TRIM44: variants seen among roughly 807,000 people sequenced by gnomAD.
TRIM44 encodes the protein tripartite motif-containing protein 44.
A neutral mutation model predicts 37.4 loss-of-function variants in TRIM44; 13 were observed. The observed-to-expected ratio is 0.35, with a 90% CI of 0.23 to 0.55. The LOEUF (loss-of-function observed/expected upper bound fraction) is 0.55. Among genes scored for constraint, TRIM44 ranks in the 20% least tolerant of loss-of-function variants. TRIM44 has a pLI of 0.89. For missense variants in TRIM44, 426 were observed against 437.2 expected, an observed-to-expected ratio of 0.97 and a Z score of 0.23; for synonymous variants, 175 against 157.2, an observed-to-expected ratio of 1.11 and a Z score of -0.85.
chr11:35,734,653 TC>T (rs1050271876), intron 3 of TRIM44, among the ~76,000 whole-genome samples: 42 of 152,274 alleles, frequency 2.8e-4, no homozygotes, highest in African/African-American at 9.9e-4. Context: ...ATTTGAAAAA[TC>T]TAATTTGATC....
intron 2 of TRIM44, among the ~76,000 whole-genome samples, chr11:35,692,419 C>G (rs1851647538): frequency 6.6e-6 from 1 of 152,130 alleles, no homozygotes; most frequent in South Asian, 2.1e-4. Flanking sequence ...TATCCCTTAT[C>G]TGAAATGTTT....
intron 4 of TRIM44, among the ~76,000 whole-genome samples, chr11:35,768,413 C>T (rs1481376951): frequency 3.3e-5 from 5 of 152,156 alleles, no homozygotes; most frequent in South Asian, 2.1e-4. Flanking sequence ...GTTGAGGGTT[C>T]GCACTCAACC....
intron 4 of TRIM44, among the ~76,000 whole-genome samples, chr11:35,799,039 A>G (rs971310007): frequency 3.3e-5 from 5 of 152,242 alleles, no homozygotes; most frequent in African/African-American, 7.2e-5. Context: ...AAATGATTCT[A>G]TTCTAAATCC....
chr11:35,718,123 C>T (rs1049132813), intron 2 of TRIM44, among the ~76,000 whole-genome samples: 4 of 151,960 alleles, frequency 2.6e-5, no homozygotes, highest in Admixed American at 6.6e-5. Flanking sequence ...GGGCTTAAAT[C>T]GAAATGGGCT....
At chr11:35,781,177 A>G (rs546594732) in intron 4 of TRIM44, among the ~76,000 whole-genome samples, 26 of 152,256 alleles carry the variant, frequency 1.7e-4, no homozygotes, top group African/African-American at 5.8e-4. Context: ...AGCAAAAATG[A>G]ACATGGGGAA....
intron 2 of TRIM44, among the ~76,000 whole-genome samples, chr11:35,701,482 A>G (rs1851788383): frequency 6.6e-6 from 1 of 152,194 alleles, no homozygotes; most frequent in South Asian, 2.1e-4. Flanking sequence ...GGAGGGAAAA[A>G]GAATCAACAA....
At chr11:35,665,128 A>T (rs760168749) in intron 1 of TRIM44, among the ~76,000 whole-genome samples, 4 of 151,794 alleles carry the variant, frequency 2.6e-5, no homozygotes, top group Non-Finnish European at 5.9e-5. Flanking sequence ...TCTGTCATAG[A>T]TGGTCATTTG....
chr11:35,674,840 C>A (rs895801233), intron 1 of TRIM44, among the ~76,000 whole-genome samples: 1 of 152,150 alleles, frequency 6.6e-6, no homozygotes, highest in East Asian at 1.9e-4. Flanking sequence ...AGAAAAGGTA[C>A]AAACAGTATG....
At position 35,816,433 on chromosome 11, in the gene TRIM44, T is replaced by G. The variant is rs1175496029; in HGVS notation, c.*10048T>G. ...AAACAATCTCCACTCATAAAAACACTTTTCTGCCTTCTACAGTATAAACAC... is the reference window on the plus strand; with the variant it reads ...AAACAATCTCCACTCATAAAAACACGTTTCTGCCTTCTACAGTATAAACAC... On this transcript the variant is annotated 3_prime_UTR_variant, in exon 5 of 5. Coordinates refer to ENST00000299413, the MANE Select transcript of TRIM44 (RefSeq NM_017583.6). The G allele has an allele frequency of 6.6e-6, 1 of 152,172 alleles. No homozygotes were observed. Among genetic ancestry groups the G allele is most frequent in the African/African-American group, 2.4e-5 (1 of 41,430 alleles). 9.4% of individuals were successfully genotyped at this position (152,172 alleles called of 1,614,324 possible).
intron 4 of TRIM44, among the ~76,000 whole-genome samples, chr11:35,787,229 T>G (rs1853141934): frequency 6.6e-6 from 1 of 152,192 alleles, no homozygotes; most frequent in Non-Finnish European, 1.5e-5. Flanking sequence ...CTCTGAAGAT[T>G]GCTGTCACGC....
intron 2 of TRIM44, among the ~76,000 whole-genome samples, chr11:35,706,639 T>C (rs1017361219): frequency 2.0e-4 from 31 of 152,068 alleles, no homozygotes; most frequent in African/African-American, 7.0e-4. Flanking sequence ...ATCTAGCATA[T>C]AAACAGAACC....
At chr11:35,767,174 C>A (rs902357079) in intron 4 of TRIM44, among the ~76,000 whole-genome samples, 1 of 152,146 alleles carries the variant, frequency 6.6e-6, no homozygotes, top group South Asian at 2.1e-4. Flanking sequence ...GGCCTCCAGG[C>A]ATGATAGAGG....
chr11:35,776,493 TCTG>T (rs1396141615), intron 4 of TRIM44, among the ~76,000 whole-genome samples: 1 of 152,244 alleles, frequency 6.6e-6, no homozygotes, highest in Non-Finnish European at 1.5e-5. Context: ...TTTCTTGCCT[TCTG>T]CTAGCTTTTG....
chr11:35,792,885 A>G (rs1460515042), intron 4 of TRIM44, among the ~76,000 whole-genome samples: 1 of 152,246 alleles, frequency 6.6e-6, no homozygotes, highest in Non-Finnish European at 1.5e-5. Flanking sequence ...GGTAGGGTCT[A>G]GTGAAAATCA....
Position 35,663,197 on chromosome 11 carries a change from C to G in TRIM44, c.86C>G (p.Ala29Gly), listed in dbSNP as rs774714687. The G allele has an allele frequency of 5.6e-6, 9 of 1,593,368 alleles. No homozygotes were observed. The African/African-American group carries it at 1.1e-4, about 19-fold the overall frequency. ...DECEPDEAPG[A>G]EEVCRECGFC... Reference sequence around the variant, plus strand: ...TGCGAGCCCGACGAGGCTCCGGGGGCCGAGGAAGTGTGCCGAGAATGCGGC... The same window carrying G: ...TGCGAGCCCGACGAGGCTCCGGGGGGCGAGGAAGTGTGCCGAGAATGCGGC... Residue 29 changes from alanine to glycine, a missense_variant, in exon 1 of 5, where the codon GCC becomes GGC. This residue lies in a region of TRIM44 where 331 missense variants were observed against 303.0 expected (regional missense o/e 1.09). Transcript: ENST00000299413.
rs56255775 is a variant in TRIM44, at chr11:35,808,225, A to AAAAAAAG, written c.*1840_*1841insAAAAAAG. ...GAGGTGTTAAAAAAAAAAAAAAAAAAGCATTTTTCTCTCAAACTGATGGCC... is the reference window on the plus strand; with the variant it reads ...GAGGTGTTAAAAAAAAAAAAAAAAAAAAAAAAGGCATTTTTCTCTCAAACTGATGGCC... On this transcript the variant is annotated 3_prime_UTR_variant, in exon 5 of 5. Transcript: ENST00000299413. 10 of 150,808 alleles carry AAAAAAAG rather than the reference A, an allele frequency of 6.6e-5. No homozygotes were observed. Among genetic ancestry groups the AAAAAAAG allele is most frequent in the Admixed American group, 5.3e-4 (8 of 15,104 alleles). 9.3% of individuals were successfully genotyped at this position (150,808 alleles called of 1,614,324 possible). A position where few individuals can be genotyped will look rare whatever the true frequency, so the allele number is the denominator to read the frequency against.
chr11:35,663,296 ACGG>A lies in TRIM44; in HGVS notation c.187_189del (p.Gly63del). On this transcript the variant is annotated inframe_deletion, in exon 1 of 5. Transcript: ENST00000299413. ...AGTCACCATCTGGCCGAATACGTCC[ACGG>A]CTCCCAGGCCTGGACCCCGCCAGCT... is the stretch of plus-strand genomic sequence containing the variant. The A allele has an allele frequency of 3.1e-6, 5 of 1,614,080 alleles. No homozygotes were observed. Among genetic ancestry groups the A allele is most frequent in the Non-Finnish European group, 4.2e-6 (5 of 1,179,988 alleles).
At position 35,685,272 on chromosome 11, in the gene TRIM44, G is replaced by A; in HGVS notation, c.683G>A (p.Gly228Asp). 6.2e-7 allele frequency: 1 copy of A among 1,614,216 alleles called. No homozygotes were observed. Among genetic ancestry groups the A allele is most frequent in the Non-Finnish European group, 8.5e-7 (1 of 1,180,028 alleles). Residue 228 changes from glycine (G) to aspartate (D), a missense_variant, in exon 2 of 5, where the codon GGT becomes GAT. Transcript: ENST00000299413. ...AFEELRSKDSGGLKAAMIELV... is the reference protein window; with the variant it reads ...AFEELRSKDSDGLKAAMIELV... ...TCTTTCTTCTAGAGCAAAGACTCAG[G>A]TGGACTGAAGGCCGCTATGATCGAA...
rs1281110846 is a variant in TRIM44, at chr11:35,706,442, G to A, written c.748-19482G>A. 5.3e-5 allele frequency among the ~76,000 whole-genome samples: 8 copies of A among 152,040 alleles called. No homozygotes were observed. The East Asian group carries it at 5.8e-4, about 11-fold the overall frequency. Reference sequence around the variant, plus strand: ...CCAGCATCATCCTGATACCAAAACCGGGCAGAGATACAACCAAAAAAAAGA... The same window carrying A: ...CCAGCATCATCCTGATACCAAAACCAGGCAGAGATACAACCAAAAAAAAGA... On this transcript the variant is annotated intron_variant, in intron 2 of 4. Coordinates refer to ENST00000299413, the MANE Select transcript of TRIM44 (RefSeq NM_017583.6).
Sources: allele counts gnomAD v4.1 joint callset (sites outside exome capture counted in the v4.1 genomes callset), GRCh38; gene constraint gnomAD v4.1.1; regional missense constraint gnomAD v4.1.1; transcripts MANE v1.5; gene names NCBI Gene and HGNC (gene_info 2026-07-23, HGNC 2026-07-21).